The following SEL1L2 variants were observed in gnomAD, a reference collection of about 807,000 sequenced individuals.
The protein encoded by SEL1L2 is SEL1L2 adaptor subunit of SYVN1 ubiquitin ligase, also known as protein sel-1 homolog 2.
SEL1L2 carries 89 observed loss-of-function variants against 98.8 expected under a neutral mutation model. That is an observed-to-expected ratio of 0.90 (90% CI 0.76 to 1.07). The LOEUF (loss-of-function observed/expected upper bound fraction) is 1.07. Ranked by LOEUF, SEL1L2 falls within the 50% of genes least tolerant of loss-of-function variation. SEL1L2 has a pLI of 0.00. For synonymous variants in SEL1L2, 262 were observed against 278.5 expected (o/e 0.94, Z 0.59); for missense variants, 788 against 812.0 (o/e 0.97, Z 0.36).
chr20:13,992,683 T>G (rs889575845), upstream of SEL1L2, among the ~76,000 whole-genome samples: 4 of 152,154 alleles, frequency 2.6e-5, no homozygotes, highest in Non-Finnish European at 5.9e-5. Flanking sequence ...TTAGCCTGTA[T>G]GCAACAAAAT....
intron 3 of SEL1L2, among the ~76,000 whole-genome samples, chr20:13,929,694 G>T (rs1208999028): frequency 6.6e-6 from 1 of 151,590 alleles, no homozygotes; most frequent in Non-Finnish European, 1.5e-5. Flanking sequence ...CAGAGACGGG[G>T]TTTCACCGTG....
At chr20:13,957,169 T>C (rs532749263) in intron 1 of SEL1L2, among the ~76,000 whole-genome samples, 2 of 152,216 alleles carry the variant, frequency 1.3e-5, no homozygotes, top group East Asian at 3.9e-4. Flanking sequence ...TGGCACGATA[T>C]TGGCTCCCTA....
At chr20:13,899,954 C>T (rs2047595616) in intron 5 of SEL1L2, among the ~76,000 whole-genome samples, 1 of 152,130 alleles carries the variant, frequency 6.6e-6, no homozygotes, top group African/African-American at 2.4e-5. Context: ...TAAATGAAAT[C>T]TGCCTGTTTT....
intron 1 of SEL1L2, among the ~76,000 whole-genome samples, chr20:13,977,648 A>T (rs982913897): frequency 6.6e-6 from 1 of 152,184 alleles, no homozygotes; most frequent in Non-Finnish European, 1.5e-5. Flanking sequence ...AAAGAACTCA[A>T]TGAAGCTGAG....
intron 1 of SEL1L2, among the ~76,000 whole-genome samples, chr20:13,957,147 A>G (rs891328786): frequency 1.3e-5 from 2 of 151,830 alleles, no homozygotes; most frequent in African/African-American, 4.8e-5. Context: ...CTGTCACCCA[A>G]GCTGGATGTA....
chr20:13,883,528 G>C (rs1041192463), intron 10 of SEL1L2, among the ~76,000 whole-genome samples: 3 of 152,198 alleles, frequency 2.0e-5, no homozygotes, highest in African/African-American at 4.8e-5. Flanking sequence ...TATGTCTCCA[G>C]CCTCTGCTTC....
At position 13,913,925 on chromosome 20, in the gene SEL1L2, T is replaced by C; in HGVS notation, c.406A>G (p.Lys136Glu). The change falls in exon 5 of 20, where the codon AAA (lysine) becomes GAA (glutamate). Residue 136 changes from lysine to glutamate, a missense_variant. Transcript: ENST00000284951. ...QKEEAYLLFA[K>E]AADMGNLKAM... ...TTCAAGTTTCCCATGTCAGCTGCTT[T>C]GGCAAAAAGTAGGTAGGCTCTGTTT... 1 of 1,560,390 alleles carries C rather than the reference T, an allele frequency of 6.4e-7. No individual in the cohort carries two copies. The highest frequency in any genetic ancestry group is 8.6e-7 in the Non-Finnish European group (1 of 1,162,846).
intron 1 of SEL1L2, among the ~76,000 whole-genome samples, chr20:13,971,924 C>T (rs1442144032): frequency 6.6e-6 from 1 of 152,110 alleles, no homozygotes; most frequent in African/African-American, 2.4e-5. Flanking sequence ...TTTTAACTCT[C>T]TGTTCTGTTT....
intron 2 of SEL1L2, among the ~76,000 whole-genome samples, chr20:13,934,567 C>A (rs1397447287): frequency 3.6e-5 from 5 of 139,702 alleles, no homozygotes; most frequent in Non-Finnish European, 7.6e-5. Flanking sequence ...AATTCTGCTG[C>A]TATAAGCCTG....
intron 2 of SEL1L2, among the ~76,000 whole-genome samples, chr20:13,939,040 G>GTTTTTTTTTTTTTTTTTTTT (rs386365633): frequency 2.4e-4 from 27 of 114,070 alleles, no homozygotes; most frequent in African/African-American, 8.7e-4. Flanking sequence ...TGCTTGTTTT[G>GTTTTTTTTTTTTTTTTTTTT]TTTTTTTTTT....
chr20:13,912,517 G>A (rs947747807), intron 5 of SEL1L2, among the ~76,000 whole-genome samples: 4 of 151,850 alleles, frequency 2.6e-5, no homozygotes, highest in African/African-American at 7.3e-5. Flanking sequence ...AGTTGGTCTC[G>A]AACTCCTGGC....
intron 1 of SEL1L2, among the ~76,000 whole-genome samples, chr20:13,965,676 C>A (rs139516424): frequency 1.3e-5 from 2 of 152,088 alleles, no homozygotes; most frequent in Non-Finnish European, 1.5e-5. Flanking sequence ...AGTCTTTGGT[C>A]GGGCACAGTG....
intron 3 of SEL1L2, among the ~76,000 whole-genome samples, chr20:13,926,829 A>C (rs2048929090): frequency 6.6e-6 from 1 of 152,202 alleles, no homozygotes; most frequent in African/African-American, 2.4e-5. Context: ...AGACTGACTT[A>C]AGACAAGGTT....
chr20:13,866,627 C>T, intron 15 of SEL1L2, 75 bp downstream of exon 15: 1 of 1,198,970 alleles, frequency 8.3e-7, no homozygotes, highest in Non-Finnish European at 1.1e-6. Context: ...AAGACACCAA[C>T]AATTTAAGAA....
At chr20:13,865,037 G>C in intron 17 of SEL1L2, 130 bp downstream of exon 17, 2 of 699,074 alleles carry the variant, frequency 2.9e-6, no homozygotes, top group Non-Finnish European at 5.1e-6. Context: ...CATCAGTATA[G>C]TTTGAAATGT....
chr20:13,978,698 A>G (rs2051662461), intron 1 of SEL1L2, among the ~76,000 whole-genome samples: 1 of 152,156 alleles, frequency 6.6e-6, no homozygotes, highest in South Asian at 2.1e-4. Flanking sequence ...ATAAAAATAT[A>G]AAATAAGTAT....
intron 10 of SEL1L2, 74 bp from the exon 11 acceptor site, chr20:13,877,662 T>C (rs2046498841): frequency 7.1e-6 from 8 of 1,132,646 alleles, no homozygotes; most frequent in Admixed American, 5.3e-5. Flanking sequence ...AACCAAACTT[T>C]ATTCAATATG....
intron 2 of SEL1L2, among the ~76,000 whole-genome samples, chr20:13,939,058 T>TTTTTG (rs2049617601): frequency 8.4e-6 from 1 of 119,188 alleles, no homozygotes; most frequent in Non-Finnish European, 1.8e-5. Flanking sequence ...TTTTTTTTTT[T>TTTTTG]TCTGAGATGG....
intron 10 of SEL1L2, among the ~76,000 whole-genome samples, chr20:13,877,815 A>G (rs1280875938): frequency 1.3e-5 from 2 of 152,160 alleles, no homozygotes; most frequent in Non-Finnish European, 2.9e-5. Context: ...TCTTTCTTAC[A>G]TATAATTTTA....
Sources: gnomAD v4.1 joint callset for allele counts (sites outside exome capture counted in the v4.1 genomes callset) on GRCh38, gnomAD v4.1.1 for gene constraint, MANE v1.5 for transcripts, NCBI Gene and HGNC (gene_info 2026-07-23, HGNC 2026-07-21) for gene names.